Variants in CSMD1 observed in about 807,000 individuals in gnomAD.
The protein encoded by CSMD1 is CUB and Sushi multiple domains 1, also known as CUB and sushi domain-containing protein 1.
CSMD1 carries 213 observed loss-of-function variants against 417.5 expected under a neutral mutation model. The observed-to-expected ratio is 0.51, with a 90% CI of 0.46 to 0.57. The LOEUF (loss-of-function observed/expected upper bound fraction) is 0.57. CSMD1 is among the 20% of genes least tolerant of loss of function. The pLI, the probability that CSMD1 is intolerant of heterozygous loss-of-function variation, is 0.00. For missense variants in CSMD1, 6,923 were observed against 4,529.7 expected, an observed-to-expected ratio of 1.53 and a Z score of -15.17; for synonymous variants, 2,862 against 1,736.8, an observed-to-expected ratio of 1.65 and a Z score of -16.11.
chr8:4,134,156 CAT>C, intron 3 of CSMD1, among the ~76,000 whole-genome samples: 1 of 152,210 alleles, frequency 6.6e-6, no homozygotes, highest in African/African-American at 2.4e-5. Context: ...CATTGAAACT[CAT>C]GTGTATGTTT....
At chr8:3,256,710 A>G (rs549473982) in intron 26 of CSMD1, among the ~76,000 whole-genome samples, 3 of 152,326 alleles carry the variant, frequency 2.0e-5, no homozygotes, top group Admixed American at 2.0e-4. Context: ...GTCAACACCC[A>G]GAAAGTCCAC....
intron 3 of CSMD1, among the ~76,000 whole-genome samples, chr8:4,281,264 G>A (rs752314101): frequency 1.3e-5 from 2 of 152,250 alleles, no homozygotes; most frequent in South Asian, 2.1e-4. Flanking sequence ...ATAACCTCTC[G>A]ACAGCATTAT....
chr8:4,407,676 CAAATTT>C (rs767881051), intron 3 of CSMD1, among the ~76,000 whole-genome samples: 19 of 152,230 alleles, frequency 1.2e-4, no homozygotes, highest in Admixed American at 2.6e-4. Context: ...GAACTTCATA[CAAATTT>C]AAATTTGTTA....
At chr8:4,850,667 C>G (rs796512922) in intron 1 of CSMD1, among the ~76,000 whole-genome samples, 1 of 152,004 alleles carries the variant, frequency 6.6e-6, no homozygotes, top group Admixed American at 6.5e-5. Context: ...TTGCTCCTTA[C>G]CCCCTTAGCT....
chr8:3,700,472 T>C (rs1008325333), intron 7 of CSMD1: 5 of 152,046 alleles, frequency 3.3e-5, no homozygotes, highest in African/African-American at 7.2e-5. Flanking sequence ...CAGAAGAAGA[T>C]AGAAGGTGTG....
intron 3 of CSMD1, among the ~76,000 whole-genome samples, chr8:4,399,195 G>A (rs1483399449): frequency 1.3e-5 from 2 of 152,066 alleles, no homozygotes; most frequent in Non-Finnish European, 1.5e-5. Flanking sequence ...ATCCTAGCCT[G>A]GAATTTACTA....
chr8:4,165,802 AT>A (rs1797424428), intron 3 of CSMD1, among the ~76,000 whole-genome samples: 1 of 152,188 alleles, frequency 6.6e-6, no homozygotes. Flanking sequence ...CTCCAGCCGC[AT>A]TATGTCACTC....
intron 38 of CSMD1, among the ~76,000 whole-genome samples, chr8:3,161,018 A>C (rs1019204263): frequency 2.6e-5 from 4 of 152,230 alleles, no homozygotes; most frequent in African/African-American, 9.6e-5. Flanking sequence ...ATTTTCCTTT[A>C]AAACCTATCA....
intron 26 of CSMD1, among the ~76,000 whole-genome samples, chr8:3,268,788 C>A (rs796313712): frequency 6.6e-6 from 1 of 152,098 alleles, no homozygotes; most frequent in Non-Finnish European, 1.5e-5. Context: ...TGAGACTTAT[C>A]AGAAAATTTT....
chr8:3,856,482 T>C (rs1371615513), intron 5 of CSMD1, among the ~76,000 whole-genome samples: 1 of 152,154 alleles, frequency 6.6e-6, no homozygotes, highest in African/African-American at 2.4e-5. Context: ...GAGTTCTTAA[T>C]TGGTGAGGAG....
At chr8:3,769,782 T>A (rs1444898356) in intron 5 of CSMD1, among the ~76,000 whole-genome samples, 1 of 152,206 alleles carries the variant, frequency 6.6e-6, no homozygotes, top group African/African-American at 2.4e-5. Flanking sequence ...CACAGTCTCA[T>A]AAGTTTTATA....
intron 10 of CSMD1, among the ~76,000 whole-genome samples, chr8:3,540,118 G>T (rs183213262): frequency 2.0e-5 from 3 of 152,120 alleles, no homozygotes; most frequent in African/African-American, 7.2e-5. Context: ...ACTTGTTTAC[G>T]GTCACAGTTT....
intron 1 of CSMD1, among the ~76,000 whole-genome samples, chr8:4,830,435 C>T (rs1015531414): frequency 1.6e-4 from 25 of 152,168 alleles, no homozygotes; most frequent in African/African-American, 6.0e-4. Context: ...TGGAGGAACA[C>T]TTACCGTTTC....
chr8:3,800,165 A>C (rs1323196742), intron 5 of CSMD1, among the ~76,000 whole-genome samples: 1 of 152,168 alleles, frequency 6.6e-6, no homozygotes, highest in Non-Finnish European at 1.5e-5. Flanking sequence ...AAAAGAACAA[A>C]AATCAGTGGC....
intron 1 of CSMD1, among the ~76,000 whole-genome samples, chr8:4,931,218 C>CT (rs1807224162): frequency 1.3e-5 from 2 of 152,228 alleles, no homozygotes; most frequent in African/African-American, 4.8e-5. Flanking sequence ...ACTCACTCCC[C>CT]TTTTTTTAGA....
At chr8:3,325,193 C>A (rs28593177) in intron 23 of CSMD1, among the ~76,000 whole-genome samples, 27 of 152,102 alleles carry the variant, frequency 1.8e-4, no homozygotes, top group Non-Finnish European at 3.7e-4. Flanking sequence ...CTTCCTGAGA[C>A]GGTGTCCAGG....
intron 3 of CSMD1, among the ~76,000 whole-genome samples, chr8:4,292,711 G>T (rs184795944): frequency 2.6e-4 from 39 of 152,170 alleles, no homozygotes; most frequent in Admixed American, 5.9e-4. Flanking sequence ...TTTTTTCTAT[G>T]TTATAGTCTT....
At chr8:4,323,700 G>T (rs367567344) in intron 3 of CSMD1, among the ~76,000 whole-genome samples, 1 of 152,158 alleles carries the variant, frequency 6.6e-6, no homozygotes, top group Admixed American at 6.6e-5. Context: ...GTATAAAATA[G>T]AAGGAAGCCG....
At chr8:4,037,411 G>C (rs1268825403) in intron 3 of CSMD1, among the ~76,000 whole-genome samples, 3 of 152,192 alleles carry the variant, frequency 2.0e-5, no homozygotes, top group Non-Finnish European at 4.4e-5. Flanking sequence ...GCATTATAGA[G>C]AATAAAGAGG....
Sources: allele counts gnomAD v4.1 joint callset (sites outside exome capture counted in the v4.1 genomes callset), GRCh38; gene constraint gnomAD v4.1.1; transcripts MANE v1.5; gene names NCBI Gene and HGNC (gene_info 2026-07-23, HGNC 2026-07-21).